Variants in NSFL1C observed in about 807,000 individuals in gnomAD.
NSFL1C encodes the protein NSFL1 cofactor, also known as NSFL1 cofactor p47.
Under a neutral mutation model 43.1 loss-of-function variants are expected in NSFL1C, and 14 were observed. That is an observed-to-expected ratio of 0.32 (90% CI 0.21 to 0.51). NSFL1C has a LOEUF of 0.51. Ranked by LOEUF, NSFL1C falls within the 20% of genes least tolerant of loss-of-function variation. NSFL1C has a pLI of 0.98. For synonymous variants in NSFL1C, 171 were observed against 183.5 expected (o/e 0.93, Z 0.55); for missense variants, 406 against 472.5 (o/e 0.86, Z 1.30).
chr20:1,466,547 C>G (rs957136142), intron 1 of NSFL1C, among the ~76,000 whole-genome samples, 173 bp downstream of exon 1: 3 of 152,356 alleles, frequency 2.0e-5, no homozygotes, highest in South Asian at 2.1e-4. Context: ...CGTTCCCCCA[C>G]TCCCAAGCCG....
Position 1,466,700 on chromosome 20 carries a change from A to G in NSFL1C, c.105+20T>C. 6.5e-7 allele frequency: 1 copy of G among 1,534,776 alleles called. No individual in the cohort carries two copies. The highest frequency in any genetic ancestry group is 1.4e-5 in the African/African-American group (1 of 71,308). ...CAGCAGTCCCCGGCCCACCCGACAC[A>G]GCCCGCCGCGCGGCGCTACCTGCAA... On this transcript the variant is annotated intron_variant, in intron 1 of 8. Transcript: ENST00000216879.
intron 7 of NSFL1C, among the ~76,000 whole-genome samples, chr20:1,448,275 G>A (rs1200186669): frequency 6.6e-6 from 1 of 152,210 alleles, no homozygotes; most frequent in Non-Finnish European, 1.5e-5. Flanking sequence ...CTTTGGAGCT[G>A]AGCCACCACC....
In NSFL1C at chr20:1,464,376, G is replaced by A. The variant is rs1280137233; in HGVS notation, c.156C>T (p.Thr52=). Residue 52 remains threonine (T), a synonymous_variant, in exon 2 of 9, where the codon ACC becomes ACT. Transcript: ENST00000216879. ...CTGAACTGGGGGTTGCCTGCGAAAT[G>A]GTCACAATGTCTTCATCCCCTCCGT... The part of the protein sequence containing the change: ...YEDGGDEDIV[T]ISQATPSSVS... The A allele has an allele frequency of 9.3e-6, 15 of 1,614,240 alleles. No homozygotes were observed. Among genetic ancestry groups the A allele is most frequent in the Non-Finnish European group, 1.2e-5 (14 of 1,180,048 alleles).
intron 2 of NSFL1C, among the ~76,000 whole-genome samples, chr20:1,461,754 AG>A (rs2090416528): frequency 6.6e-6 from 1 of 152,218 alleles, no homozygotes; most frequent in Admixed American, 6.5e-5. Flanking sequence ...TCTGTAAAAT[AG>A]GAATAGTACT....
At chr20:1,451,322 G>C (rs1403343248) in intron 7 of NSFL1C, among the ~76,000 whole-genome samples, 1 of 152,190 alleles carries the variant, frequency 6.6e-6, no homozygotes, top group Non-Finnish European at 1.5e-5. Flanking sequence ...TCCAGGAGAG[G>C]GCCAGCCAGA....
chr20:1,464,545 G>C (rs1599978026), intron 1 of NSFL1C, 119 bp from the exon 2 acceptor site: 1 of 741,942 alleles, frequency 1.3e-6, no homozygotes, highest in East Asian at 2.7e-5. Context: ...TGCATCCATG[G>C]GCCAAAGAAA....
chr20:1,451,106 T>C (rs2090171703), intron 7 of NSFL1C, among the ~76,000 whole-genome samples: 1 of 151,992 alleles, frequency 6.6e-6, no homozygotes, highest in African/African-American at 2.4e-5. Context: ...AAAAAAAAAA[T>C]TAGGTGCCCT....
intron 2 of NSFL1C, among the ~76,000 whole-genome samples, chr20:1,459,486 T>G (rs999937454): frequency 4.6e-5 from 7 of 152,194 alleles, no homozygotes; most frequent in African/African-American, 7.2e-5. Flanking sequence ...CTCAGGTAGT[T>G]TTTTATAGCA....
rs866094677 is a variant in NSFL1C at position 1,443,932 on chromosome 20, G to A, written c.951-21C>T. 4 of 1,602,362 alleles carry A rather than the reference G, an allele frequency of 2.5e-6. No individual in the cohort carries two copies. The African/African-American group carries it at 4.0e-5, about 16-fold the overall frequency. The stretch of plus-strand genomic sequence containing the variant: ...TGATCCTGCAGGAGTTGGGGAAGCG[G>A]TGAGCAGTGCCATCCTCTGCTGTCC... On this transcript the variant is annotated intron_variant, in intron 8 of 8. Coordinates refer to ENST00000216879, the MANE Select transcript of NSFL1C (RefSeq NM_016143.5).
chr20:1,448,379 GCTGTT>G (rs1395601506), intron 7 of NSFL1C, among the ~76,000 whole-genome samples: 1 of 152,222 alleles, frequency 6.6e-6, no homozygotes, highest in Non-Finnish European at 1.5e-5. Flanking sequence ...AAAATGAGGA[GCTGTT>G]CTGTTGTGAG....
At chr20:1,462,320 C>T (rs2090426658) in intron 2 of NSFL1C, among the ~76,000 whole-genome samples, 1 of 152,096 alleles carries the variant, frequency 6.6e-6, no homozygotes, top group Non-Finnish European at 1.5e-5. Flanking sequence ...ATTTGCTTTC[C>T]TCCTCAACAA....
intron 2 of NSFL1C, among the ~76,000 whole-genome samples, chr20:1,462,927 A>T (rs2090444700): frequency 6.6e-6 from 1 of 152,162 alleles, no homozygotes; most frequent in Non-Finnish European, 1.5e-5. Context: ...AAATTATAAT[A>T]ACAACACATG....
At position 1,455,116 on chromosome 20, in the gene NSFL1C, A is replaced by G; in HGVS notation, c.295T>C (p.Ser99Pro). ...EEGQRFYAGGSERSGQQIVGP... is the reference protein window; with the variant it reads ...EEGQRFYAGGPERSGQQIVGP... The stretch of plus-strand genomic sequence containing the variant: ...ACAATCTGCTGTCCACTTCTCTCTG[A>G]GCCCCCAGCATAAAACCTGTGTACA... Residue 99 changes from serine to proline, a missense_variant, in exon 4 of 9, where the codon TCA becomes CCA. Physicochemically the swap from Ser to Pro is moderately conservative, Grantham distance 74. Transcript: ENST00000216879. 1 of 1,614,214 alleles carries G rather than the reference A, an allele frequency of 6.2e-7. No individual in the cohort carries two copies. The highest frequency in any genetic ancestry group is 8.5e-7 in the Non-Finnish European group (1 of 1,180,020).
At chr20:1,464,490 T>C (rs1030840016) in intron 1 of NSFL1C, 64 bp from the exon 2 acceptor site, 1 of 1,361,420 alleles carries the variant, frequency 7.3e-7, no homozygotes, top group Non-Finnish European at 1.1e-6. Flanking sequence ...ACATCTCCTT[T>C]GAGCACAAAG....
chr20:1,454,152 C>G lies in NSFL1C; in HGVS notation c.537+61G>C, dbSNP rs944640144. The stretch of plus-strand genomic sequence containing the variant: ...GTTAATGCACAATATGTAACCAATC[C>G]CTTCAGAAAAATGGCAGAACAGTCC... On this transcript the variant is annotated intron_variant, in intron 5 of 8. Transcript: ENST00000216879. 6.9e-6 allele frequency: 9 copies of G among 1,311,284 alleles called. No homozygotes were observed. In the African/African-American group the frequency reaches 1.0e-4, roughly 15 times the overall value. The allele number at this position is 1,311,284 out of a possible 1,614,324, so 81.2% of individuals were successfully genotyped here. A position where few individuals can be genotyped will look rare whatever the true frequency, so the allele number is the denominator to read the frequency against.
intron 7 of NSFL1C, among the ~76,000 whole-genome samples, chr20:1,450,945 T>C (rs2090168856): frequency 6.6e-6 from 1 of 152,108 alleles, no homozygotes; most frequent in South Asian, 2.1e-4. Flanking sequence ...AAAAAGCAGG[T>C]GATACAACAG....
intron 6 of NSFL1C, 48 bp from the exon 7 acceptor site, chr20:1,452,678 T>C (rs758508580): frequency 6.2e-7 from 1 of 1,607,542 alleles, no homozygotes; most frequent in Non-Finnish European, 8.5e-7. Flanking sequence ...AAGATGGAAA[T>C]GACAGTGATG....
chr20:1,451,129 AC>A (rs1193986754), intron 7 of NSFL1C, among the ~76,000 whole-genome samples: 5 of 152,342 alleles, frequency 3.3e-5, no homozygotes, highest in Admixed American at 2.6e-4. Flanking sequence ...AAAGCTCATC[AC>A]AACTGACAGG....
chr20:1,455,503 C>G (rs945360831), intron 3 of NSFL1C, among the ~76,000 whole-genome samples: 1 of 152,156 alleles, frequency 6.6e-6, no homozygotes, highest in African/African-American at 2.4e-5. Flanking sequence ...GGTGGCCAGG[C>G]TCCTCTCCAG....
Sources: allele counts gnomAD v4.1 joint callset (sites outside exome capture counted in the v4.1 genomes callset), GRCh38; gene constraint gnomAD v4.1.1; transcripts MANE v1.5; gene names NCBI Gene and HGNC (gene_info 2026-07-23, HGNC 2026-07-21).